Variants in FBXO4 observed in about 807,000 individuals in gnomAD.
FBXO4 encodes F-box only protein 4.
In FBXO4, 36 loss-of-function variants were observed where a neutral mutation model predicts 43.7. The ratio of observed to expected loss-of-function variants is 0.82; its 90% CI spans 0.63 to 1.09. The LOEUF is 1.09. FBXO4 is among the 50% of genes least tolerant of loss of function. The pLI, the probability that FBXO4 is intolerant of heterozygous loss-of-function variation, is 0.00. For missense variants in FBXO4, 435 were observed against 474.1 expected, an observed-to-expected ratio of 0.92 and a Z score of 0.77; for synonymous variants, 180 against 165.6, an observed-to-expected ratio of 1.09 and a Z score of -0.67.
At chr5:41,971,789 G>C in the FBXO4 span, among the ~76,000 whole-genome samples, 1 of 151,960 alleles carries the variant, frequency 6.6e-6, no homozygotes, top group Admixed American at 6.6e-5. Context: ...AAATTACAAA[G>C]AATTTATGTG....
the FBXO4 span, among the ~76,000 whole-genome samples, chr5:42,009,027 G>A: frequency 3.4e-4 from 52 of 152,262 alleles, 1 homozygote; most frequent in South Asian, 9.7e-3. Context: ...TGGAGGTTAA[G>A]TAAGTTTTTA....
At chr5:42,035,742 C>T in the FBXO4 span, among the ~76,000 whole-genome samples, 12 of 152,132 alleles carry the variant, frequency 7.9e-5, no homozygotes, top group South Asian at 2.5e-3. Context: ...AGAGCTTTTC[C>T]CAGAGGCAAT....
At chr5:42,011,688 G>C in the FBXO4 span, among the ~76,000 whole-genome samples, 47 of 152,156 alleles carry the variant, frequency 3.1e-4, no homozygotes, top group Non-Finnish European at 1.3e-4. Context: ...TAACTCTAAG[G>C]AAGGGTTTCC....
At chr5:41,999,757 CTTTTCACAT>C in the FBXO4 span, among the ~76,000 whole-genome samples, 1 of 151,314 alleles carries the variant, frequency 6.6e-6, no homozygotes, top group Admixed American at 6.6e-5. Context: ...CCAGTCTCAT[CTTTTCACAT>C]TTTTCTGCCT....
At chr5:41,926,312 G>A (rs75347674) in intron 1 of FBXO4, among the ~76,000 whole-genome samples, 2 of 152,188 alleles carry the variant, frequency 1.3e-5, no homozygotes, top group African/African-American at 4.8e-5. Context: ...GGTGGCTCAC[G>A]CCTGTAATCC....
the FBXO4 span, among the ~76,000 whole-genome samples, chr5:42,036,482 G>A: frequency 2.0e-5 from 3 of 152,154 alleles, no homozygotes; most frequent in East Asian, 1.9e-4. Flanking sequence ...AAAATAAAAC[G>A]GGTCGTTAGC....
chr5:42,038,339 G>A, the FBXO4 span, among the ~76,000 whole-genome samples: 1 of 152,062 alleles, frequency 6.6e-6, no homozygotes, highest in South Asian at 2.1e-4. Context: ...GCTTAATCTT[G>A]TTTTCATTAA....
the FBXO4 span, among the ~76,000 whole-genome samples, chr5:42,014,776 C>T: frequency 6.6e-6 from 1 of 152,136 alleles, no homozygotes; most frequent in Non-Finnish European, 1.5e-5. Context: ...AGCTTTGAGA[C>T]TGGAATCCAA....
intron 5 of FBXO4, chr5:41,934,776 A>G (rs944971852): frequency 3.4e-5 from 34 of 1,014,878 alleles, no homozygotes; most frequent in Non-Finnish European, 4.0e-5. Flanking sequence ...ATGTGATGGT[A>G]GGGTGTTAAG....
downstream of FBXO4, among the ~76,000 whole-genome samples, chr5:41,945,907 G>A (rs1033693883): frequency 6.6e-6 from 1 of 152,178 alleles, no homozygotes; most frequent in Non-Finnish European, 1.5e-5. Flanking sequence ...GAAAGACTGT[G>A]TTTCTGTTTT....
chr5:41,982,856 A>G, the FBXO4 span, among the ~76,000 whole-genome samples: 2 of 151,986 alleles, frequency 1.3e-5, no homozygotes, highest in Admixed American at 1.3e-4. Context: ...TCCTAATGCT[A>G]TCCTTCCCCT....
chr5:42,026,772 A>T, the FBXO4 span, among the ~76,000 whole-genome samples: 1 of 151,824 alleles, frequency 6.6e-6, no homozygotes, highest in Admixed American at 6.6e-5. Context: ...GTTGAATTGT[A>T]TCAAATGCTT....
the FBXO4 span, among the ~76,000 whole-genome samples, chr5:41,995,964 T>C: frequency 6.6e-6 from 1 of 152,222 alleles, no homozygotes; most frequent in Non-Finnish European, 1.5e-5. Context: ...AGAAAGGGGC[T>C]GTAGTGCTGC....
At chr5:42,010,682 G>A in the FBXO4 span, among the ~76,000 whole-genome samples, 7 of 151,984 alleles carry the variant, frequency 4.6e-5, no homozygotes, top group Non-Finnish European at 8.8e-5. Context: ...ATTTGTTTGA[G>A]TTCTTTTCAA....
the FBXO4 span, among the ~76,000 whole-genome samples, chr5:42,001,493 A>T: frequency 2.0e-5 from 3 of 152,084 alleles, no homozygotes; most frequent in African/African-American, 7.2e-5. Context: ...CGGCCTCCCA[A>T]AGTGCTGGGA....
chr5:41,956,706 C>T, the FBXO4 span, among the ~76,000 whole-genome samples: 489 of 139,862 alleles, frequency 3.5e-3, 2 homozygotes, highest in African/African-American at 0.012. Context: ...ATTTTTTTTT[C>T]TTCTTCTTTT....
chr5:42,023,486 T>C, the FBXO4 span, among the ~76,000 whole-genome samples: 1 of 152,102 alleles, frequency 6.6e-6, no homozygotes, highest in African/African-American at 2.4e-5. Flanking sequence ...AGGTATTCTA[T>C]TTGGGTACAT....
the FBXO4 span, among the ~76,000 whole-genome samples, chr5:41,992,164 G>T: frequency 6.3e-4 from 96 of 152,076 alleles, no homozygotes; most frequent in Non-Finnish European, 6.0e-4. Flanking sequence ...TAACACACTG[G>T]TTTATTTAGA....
the FBXO4 span, among the ~76,000 whole-genome samples, chr5:42,017,532 A>G: frequency 1.3e-5 from 2 of 151,926 alleles, no homozygotes; most frequent in Admixed American, 1.3e-4. Context: ...GACATGAATT[A>G]TCCTGTTACT....
Sources: allele counts gnomAD v4.1 joint callset (sites outside exome capture counted in the v4.1 genomes callset), GRCh38; gene constraint gnomAD v4.1.1; transcripts MANE v1.5; gene names NCBI Gene and HGNC (gene_info 2026-07-23, HGNC 2026-07-21).